The following BMPR1A variants were observed in gnomAD, a reference collection of about 807,000 sequenced individuals.
BMPR1A encodes the protein bone morphogenetic protein receptor type-1A.
BMPR1A carries 7 observed loss-of-function variants against 66.0 expected under a neutral mutation model. That is an observed-to-expected ratio of 0.11 (90% CI 0.06 to 0.20). BMPR1A has a LOEUF of 0.20. BMPR1A is among the 10% of genes least tolerant of loss of function. The pLI, the probability that BMPR1A is intolerant of heterozygous loss-of-function variation, is 1.00. For synonymous variants in BMPR1A, 200 were observed against 229.7 expected (o/e 0.87, Z 1.17); for missense variants, 408 against 669.1 (o/e 0.61, Z 4.31).
intron 1 of BMPR1A, among the ~76,000 whole-genome samples, chr10:86,791,700 C>T (rs1841624784): frequency 1.0e-5 from 1 of 97,930 alleles, no homozygotes; most frequent in African/African-American, 4.0e-5. Flanking sequence ...TCCCTCCCTC[C>T]CTCCCTCCCT....
At chr10:86,907,751 G>T (rs1046473082) in intron 7 of BMPR1A, among the ~76,000 whole-genome samples, 2 of 152,182 alleles carry the variant, frequency 1.3e-5, no homozygotes, top group African/African-American at 2.4e-5. Flanking sequence ...TCATACGTGG[G>T]AGCTAAAAAG....
intron 1 of BMPR1A, among the ~76,000 whole-genome samples, chr10:86,807,923 T>A (rs532225812): frequency 4.7e-4 from 72 of 152,254 alleles, no homozygotes; most frequent in South Asian, 1.7e-3. Flanking sequence ...CACACCTCCA[T>A]GCCCGGCTAA....
chr10:86,787,233 T>A (rs1435388668), intron 1 of BMPR1A, among the ~76,000 whole-genome samples: 1 of 152,064 alleles, frequency 6.6e-6, no homozygotes. Flanking sequence ...ATTTAGCATT[T>A]AATAGACCAG....
At chr10:86,914,649 A>G (rs1358903366) in intron 8 of BMPR1A, among the ~76,000 whole-genome samples, 1 of 152,236 alleles carries the variant, frequency 6.6e-6, no homozygotes. Context: ...GGGATATACA[A>G]ATTAAACACA....
intron 2 of BMPR1A, among the ~76,000 whole-genome samples, chr10:86,860,304 TTATA>T (rs1453145190): frequency 1.3e-5 from 2 of 152,186 alleles, no homozygotes; most frequent in African/African-American, 4.8e-5. Context: ...AATTAAAGCA[TTATA>T]TATATAAAAA....
intron 7 of BMPR1A, among the ~76,000 whole-genome samples, chr10:86,904,124 G>A (rs1261824214): frequency 9.9e-5 from 15 of 152,118 alleles, no homozygotes; most frequent in Admixed American, 9.2e-4. Flanking sequence ...GGCTGGTCTC[G>A]AACTCCTGGC....
At chr10:86,911,665 G>A (rs921459225) in intron 7 of BMPR1A, among the ~76,000 whole-genome samples, 1 of 152,084 alleles carries the variant, frequency 6.6e-6, no homozygotes, top group Non-Finnish European at 1.5e-5. Context: ...TGGGAGGATC[G>A]CTTGAGCCTG....
At chr10:86,774,101 C>T (rs1841308453) in intron 1 of BMPR1A, among the ~76,000 whole-genome samples, 1 of 152,074 alleles carries the variant, frequency 6.6e-6, no homozygotes, top group Non-Finnish European at 1.5e-5. Flanking sequence ...TCGCCCGCCT[C>T]GGCCTCCGAA....
chr10:86,888,565 G>A (rs559685431), intron 3 of BMPR1A, among the ~76,000 whole-genome samples: 7 of 152,196 alleles, frequency 4.6e-5, no homozygotes, highest in South Asian at 2.1e-4. Flanking sequence ...AGTGGCTCAC[G>A]GCTATATTCC....
intron 3 of BMPR1A, among the ~76,000 whole-genome samples, chr10:86,880,860 A>G (rs1198849154): frequency 6.6e-6 from 1 of 152,160 alleles, no homozygotes; most frequent in Non-Finnish European, 1.5e-5. Context: ...GGATTCAAAC[A>G]AATCAAATAT....
intron 1 of BMPR1A, among the ~76,000 whole-genome samples, chr10:86,824,262 TG>T (rs1211248410): frequency 5.9e-5 from 9 of 152,134 alleles, no homozygotes; most frequent in Non-Finnish European, 1.2e-4. Context: ...TGCATTGTGT[TG>T]GGGTAGTAGT....
chr10:86,766,740 C>T (rs544772209), intron 1 of BMPR1A, among the ~76,000 whole-genome samples: 89 of 151,956 alleles, frequency 5.9e-4, no homozygotes, highest in Non-Finnish European at 1.0e-3. Flanking sequence ...CTCAGCCTCC[C>T]GAGTACAGGC....
intron 2 of BMPR1A, among the ~76,000 whole-genome samples, chr10:86,860,355 ATATG>A (rs1842697514): frequency 6.6e-6 from 1 of 152,190 alleles, no homozygotes; most frequent in African/African-American, 2.4e-5. Flanking sequence ...AAGTTTAACA[ATATG>A]TAAGGCAATG....
rs955192771 is a variant in BMPR1A, at chr10:86,913,839, A to C, written c.675+1455A>C. On this transcript the variant is annotated intron_variant, in intron 8 of 12. Transcript: ENST00000372037. The stretch of plus-strand genomic sequence containing the variant: ...AGTATTAAGATTTCAGTTTTCCTCA[A>C]ATTGGTGTGTAATTTCATTCGAATC... Among the ~76,000 whole-genome samples, 7 of 152,260 alleles carry C rather than the reference A, an allele frequency of 4.6e-5. 1 individual carries two copies. The Middle Eastern group carries it at 0.014, about 296-fold the overall frequency.
chr10:86,772,464 T>A (rs1328040716), intron 1 of BMPR1A, among the ~76,000 whole-genome samples: 1 of 152,068 alleles, frequency 6.6e-6, no homozygotes, highest in African/African-American at 2.4e-5. Flanking sequence ...TTACCATGAG[T>A]ATTACTCTTA....
At chr10:86,826,309 T>G (rs918550808) in intron 1 of BMPR1A, among the ~76,000 whole-genome samples, 3 of 152,102 alleles carry the variant, frequency 2.0e-5, no homozygotes, top group Admixed American at 6.6e-5. Flanking sequence ...AACAGTTCTT[T>G]ATAGATGTTT....
At chr10:86,761,475 G>A (rs1841057145) in intron 1 of BMPR1A, among the ~76,000 whole-genome samples, 1 of 152,170 alleles carries the variant, frequency 6.6e-6, no homozygotes, top group Admixed American at 6.5e-5. Context: ...TTGCAGTTAG[G>A]GAGATTAGTT....
At chr10:86,792,793 G>A (rs550341522) in intron 1 of BMPR1A, among the ~76,000 whole-genome samples, 2 of 152,262 alleles carry the variant, frequency 1.3e-5, no homozygotes, top group South Asian at 4.2e-4. Flanking sequence ...ATCATGATGG[G>A]TATCAGATCA....
chr10:86,855,970 G>A lies in BMPR1A; in HGVS notation c.-153+16991G>A, dbSNP rs1051506811. On this transcript the variant is annotated intron_variant, in intron 2 of 12. Coordinates refer to ENST00000372037, the MANE Select transcript of BMPR1A (RefSeq NM_004329.3). ...TGCATAACTATTTCTTTTCCAGAAT[G>A]GCCACTTTGCCCTTCCTTTAGCAGT... is the stretch of plus-strand genomic sequence containing the variant. The A allele has an allele frequency of 1.1e-5, 7 of 624,998 alleles. No individual in the cohort carries two copies. The Admixed American group carries it at 1.2e-4, about 11-fold the overall frequency. 38.7% of individuals were successfully genotyped at this position (624,998 alleles called of 1,614,324 possible).
Sources: allele counts gnomAD v4.1 joint callset (sites outside exome capture counted in the v4.1 genomes callset), GRCh38; gene constraint gnomAD v4.1.1; transcripts MANE v1.5; gene names NCBI Gene and HGNC (gene_info 2026-07-23, HGNC 2026-07-21).